Variants in ZNF385D observed in about 807,000 individuals in gnomAD.
ZNF385D encodes zinc finger protein 659.
Under a neutral mutation model 35.8 loss-of-function variants are expected in ZNF385D, and 15 were observed. The observed-to-expected ratio is 0.42, with a 90% CI of 0.28 to 0.64. The LOEUF (loss-of-function observed/expected upper bound fraction) is 0.64. ZNF385D is among the 30% of genes least tolerant of loss of function. The probability of loss-of-function intolerance (pLI) is 0.23; values close to 1 mark genes in which losing one functional copy is unlikely to be tolerated. For missense variants in ZNF385D, 474 were observed against 494.6 expected (o/e 0.96, Z 0.39); for synonymous variants, 212 against 186.8 (o/e 1.13, Z -1.10).
intron 3 of ZNF385D, among the ~76,000 whole-genome samples, chr3:21,887,660 T>A (rs1199959144): frequency 6.6e-6 from 1 of 152,080 alleles, no homozygotes; most frequent in South Asian, 2.1e-4. Context: ...GTAACAAAGA[T>A]GCTACATAAT....
intron 3 of ZNF385D, among the ~76,000 whole-genome samples, chr3:22,154,881 T>C (rs1705489111): frequency 6.6e-6 from 1 of 152,150 alleles, no homozygotes; most frequent in African/African-American, 2.4e-5. Context: ...CAGGAAACAT[T>C]CATCTTCCAT....
chr3:22,094,647 A>C (rs1701518943), intron 3 of ZNF385D, among the ~76,000 whole-genome samples: 1 of 151,950 alleles, frequency 6.6e-6, no homozygotes, highest in African/African-American at 2.4e-5. Context: ...GCTTTGGTTC[A>C]AAGACTGCCC....
At chr3:21,735,640 A>G (rs2069206897) in intron 1 of ZNF385D, among the ~76,000 whole-genome samples, 1 of 152,214 alleles carries the variant, frequency 6.6e-6, no homozygotes. Context: ...ATTTCTACAC[A>G]GCATTCCTAA....
At chr3:21,701,328 A>G (rs1012705751) in intron 1 of ZNF385D, among the ~76,000 whole-genome samples, 4 of 152,024 alleles carry the variant, frequency 2.6e-5, no homozygotes, top group African/African-American at 9.7e-5. Flanking sequence ...AAGAAGCAAA[A>G]GAGGAAACCC....
intron 2 of ZNF385D, among the ~76,000 whole-genome samples, chr3:22,260,142 A>C (rs1178971765): frequency 4.0e-5 from 6 of 151,848 alleles, no homozygotes; most frequent in African/African-American, 1.5e-4. Context: ...TTAAGGAAAG[A>C]ATTTTTAAAG....
intron 3 of ZNF385D, among the ~76,000 whole-genome samples, chr3:22,091,166 C>T (rs1701313017): frequency 6.6e-6 from 1 of 152,108 alleles, no homozygotes; most frequent in South Asian, 2.1e-4. Flanking sequence ...GCAGGTGGCT[C>T]TAACAACTAA....
intron 5 of ZNF385D, among the ~76,000 whole-genome samples, chr3:21,426,956 C>T (rs1575124130): frequency 6.6e-6 from 1 of 152,092 alleles, no homozygotes; most frequent in Non-Finnish European, 1.5e-5. Flanking sequence ...TATTCTTTTC[C>T]ATTCTTATTA....
intron 3 of ZNF385D, among the ~76,000 whole-genome samples, chr3:21,919,904 C>A (rs1700369938): frequency 6.6e-6 from 1 of 152,182 alleles, no homozygotes; most frequent in South Asian, 2.1e-4. Context: ...TGCCACATTT[C>A]TAGACAAAGA....
intron 4 of ZNF385D, among the ~76,000 whole-genome samples, chr3:21,494,382 G>A (rs1705663591): frequency 6.6e-6 from 1 of 152,134 alleles, no homozygotes; most frequent in African/African-American, 2.4e-5. Context: ...AAATCCTTAG[G>A]AGTGTTTGAG....
intron 3 of ZNF385D, among the ~76,000 whole-genome samples, chr3:21,930,307 G>A (rs1301879669): frequency 4.1e-5 from 6 of 147,680 alleles, no homozygotes; most frequent in African/African-American, 1.5e-4. Context: ...ACGGATCATA[G>A]ATTTAAACAT....
At chr3:22,275,037 T>C (rs1055521675) in intron 2 of ZNF385D, among the ~76,000 whole-genome samples, 6 of 152,214 alleles carry the variant, frequency 3.9e-5, no homozygotes, top group Non-Finnish European at 8.8e-5. Context: ...CTGCTTTGCT[T>C]ATTATCATTC....
intron 3 of ZNF385D, among the ~76,000 whole-genome samples, chr3:21,908,991 G>C: frequency 6.6e-6 from 1 of 151,896 alleles, no homozygotes; most frequent in East Asian, 1.9e-4. Context: ...AGAAACCTCA[G>C]AATTTTTTTT....
chr3:22,301,361 A>C (rs1559507389), intron 2 of ZNF385D, among the ~76,000 whole-genome samples: 1 of 152,038 alleles, frequency 6.6e-6, no homozygotes, highest in East Asian at 1.9e-4. Flanking sequence ...TCCATTTCAC[A>C]AGATGGTGAC....
At chr3:22,057,968 T>C (rs1409559254) in intron 3 of ZNF385D, among the ~76,000 whole-genome samples, 1 of 152,224 alleles carries the variant, frequency 6.6e-6, no homozygotes, top group Non-Finnish European at 1.5e-5. Context: ...ATATTCTTGT[T>C]TATCTCAATC....
intron 4 of ZNF385D, among the ~76,000 whole-genome samples, chr3:21,447,833 C>T (rs1702236807): frequency 6.6e-6 from 1 of 152,090 alleles, no homozygotes; most frequent in Non-Finnish European, 1.5e-5. Context: ...TGTTAGGCAG[C>T]ACATACCATA....
intron 3 of ZNF385D, among the ~76,000 whole-genome samples, chr3:21,891,132 G>A (rs1698838637): frequency 6.6e-6 from 1 of 152,060 alleles, no homozygotes; most frequent in African/African-American, 2.4e-5. Flanking sequence ...AGATTTTTAT[G>A]AAAATAAAAG....
chr3:22,062,717 T>G (rs1305013083), intron 3 of ZNF385D, among the ~76,000 whole-genome samples: 1 of 152,162 alleles, frequency 6.6e-6, no homozygotes, highest in African/African-American at 2.4e-5. Context: ...GAATTAACAA[T>G]GTATGGTTTG....
chr3:22,123,990 T>A (rs1249437507), intron 3 of ZNF385D, among the ~76,000 whole-genome samples: 3 of 90,006 alleles, frequency 3.3e-5, no homozygotes, highest in Middle Eastern at 7.2e-3. Flanking sequence ...ATATATATAT[T>A]GCTGACTGAA....
At chr3:22,139,194 G>A (rs1420340017) in intron 3 of ZNF385D, among the ~76,000 whole-genome samples, 1 of 152,132 alleles carries the variant, frequency 6.6e-6, no homozygotes, top group African/African-American at 2.4e-5. Context: ...AACCATTGTG[G>A]AAGTCGGTGT....
Sources: allele counts gnomAD v4.1 joint callset (sites outside exome capture counted in the v4.1 genomes callset), GRCh38; gene constraint gnomAD v4.1.1; transcripts MANE v1.5; gene names NCBI Gene and HGNC (gene_info 2026-07-23, HGNC 2026-07-21).